Variants in CACNA1D observed in about 807,000 individuals in gnomAD.
CACNA1D encodes the protein calcium voltage-gated channel subunit alpha1 D, also known as voltage-dependent L-type calcium channel subunit alpha-1D.
CACNA1D carries 55 observed loss-of-function variants against 257.1 expected under a neutral mutation model. That is an observed-to-expected ratio of 0.21 (90% CI 0.17 to 0.27). The LOEUF is 0.27. CACNA1D is among the 10% of genes least tolerant of loss of function. CACNA1D has a pLI of 1.00. For missense variants in CACNA1D, 1,876 were observed against 2,784.0 expected (o/e 0.67, Z 7.34); for synonymous variants, 980 against 1,014.9 (o/e 0.97, Z 0.65).
At chr3:53,517,226 AT>A (rs2091374673) in intron 3 of CACNA1D, among the ~76,000 whole-genome samples, 2 of 150,280 alleles carry the variant, frequency 1.3e-5, no homozygotes, top group African/African-American at 4.9e-5. Context: ...CTGAATCCTA[AT>A]CCCTCACTGC....
At chr3:53,500,007 A>C (rs746525688) in intron 2 of CACNA1D, among the ~76,000 whole-genome samples, 11 of 152,108 alleles carry the variant, frequency 7.2e-5, no homozygotes, top group Non-Finnish European at 1.5e-4. Context: ...AAATAAACCC[A>C]TCAAAATTAG....
rs527673385 is a variant in CACNA1D at position 53,636,607 on chromosome 3, C to T, written c.484-14172C>T. ...ACAGGCATTAGCCACTGCGCCTGGC[C>T]GAAAACTATATACTCTTATATTCTG... On this transcript the variant is annotated intron_variant, in intron 3 of 47. Coordinates refer to ENST00000350061, the MANE Select transcript of CACNA1D (RefSeq NM_001128840.3). Among the ~76,000 whole-genome samples, 3 of 152,254 alleles carry T rather than the reference C, an allele frequency of 2.0e-5. No individual in the cohort carries two copies. The South Asian group carries it at 6.2e-4, about 32-fold the overall frequency.
rs2095161561 is a variant in CACNA1D, at chr3:53,745,675, A to G, written c.3058A>G (p.Ile1020Val). ...VAIRTIGNIMIVTTLLQFMFA... is the reference protein window; with the variant it reads ...VAIRTIGNIMVVTTLLQFMFA... ...CATCCGGACCATCGGCAACATCATG[A>G]TCGTCACCACCCTCCTGCAGTTCAT... Residue 1020 changes from isoleucine to valine, a missense_variant, in exon 24 of 48, where the codon ATC (isoleucine) becomes GTC (valine). Coordinates refer to ENST00000350061, the MANE Select transcript of CACNA1D (RefSeq NM_001128840.3). 1 of 1,614,110 alleles carries G rather than the reference A, an allele frequency of 6.2e-7. No homozygotes were observed. The highest frequency in any genetic ancestry group is 8.5e-7 in the Non-Finnish European group (1 of 1,179,998).
chr3:53,513,699 G>A (rs1311274617), intron 3 of CACNA1D, among the ~76,000 whole-genome samples: 1 of 152,160 alleles, frequency 6.6e-6, no homozygotes, highest in Non-Finnish European at 1.5e-5. Flanking sequence ...GGTAGTGTAG[G>A]CTTTCACATT....
intron 3 of CACNA1D, among the ~76,000 whole-genome samples, chr3:53,626,692 A>G (rs1454810303): frequency 6.6e-6 from 1 of 152,148 alleles, no homozygotes; most frequent in African/African-American, 2.4e-5. Context: ...ATGATGTTAG[A>G]TCAGTTCTTG....
chr3:53,645,054 A>G (rs930417918), intron 3 of CACNA1D, among the ~76,000 whole-genome samples: 1 of 152,072 alleles, frequency 6.6e-6, no homozygotes, highest in African/African-American at 2.4e-5. Context: ...GTTTTAATTT[A>G]TATTTCCTTG....
intron 3 of CACNA1D, among the ~76,000 whole-genome samples, chr3:53,601,958 G>A (rs953282978): frequency 1.3e-5 from 2 of 152,098 alleles, no homozygotes; most frequent in Admixed American, 6.6e-5. Flanking sequence ...TAATCGGCCC[G>A]CCTCAGCCTC....
At chr3:53,752,202 AG>A (rs890898406) in intron 28 of CACNA1D, among the ~76,000 whole-genome samples, 4 of 152,140 alleles carry the variant, frequency 2.6e-5, no homozygotes, top group Non-Finnish European at 4.4e-5. Context: ...GTGGCCAGCT[AG>A]TGGTTGAGAA....
chr3:53,547,871 A>G (rs899332075), intron 3 of CACNA1D, among the ~76,000 whole-genome samples: 3 of 152,184 alleles, frequency 2.0e-5, no homozygotes, highest in African/African-American at 7.2e-5. Flanking sequence ...CCCCTCTAAC[A>G]TCGTTTCCCC....
At chr3:53,805,972 A>ATCTTCCCTCCTCCTCCCTCCCTCT (rs2095562615) in intron 45 of CACNA1D, among the ~76,000 whole-genome samples, 1 of 33,550 alleles carries the variant, frequency 3.0e-5, no homozygotes, top group Non-Finnish European at 5.6e-5. Flanking sequence ...TCCCTCCCTC[A>ATCTTCCCTCCTCCTCCCTCCCTCT]TCTTCCCTCC....
chr3:53,550,547 A>G (rs1184741608), intron 3 of CACNA1D, among the ~76,000 whole-genome samples: 4 of 152,134 alleles, frequency 2.6e-5, no homozygotes, highest in East Asian at 1.9e-4. Context: ...TGTTTATTTC[A>G]TGGATCATTT....
chr3:53,779,339 G>A (rs1399487199), intron 37 of CACNA1D, among the ~76,000 whole-genome samples: 1 of 152,150 alleles, frequency 6.6e-6, no homozygotes, highest in Non-Finnish European at 1.5e-5. Context: ...TAAGTGGTAG[G>A]TTGTATTAAT....
At chr3:53,617,505 AG>A (rs1289006134) in intron 3 of CACNA1D, among the ~76,000 whole-genome samples, 1 of 152,208 alleles carries the variant, frequency 6.6e-6, no homozygotes, top group Non-Finnish European at 1.5e-5. Context: ...ATGACAATTA[AG>A]TGACGCATTG....
At chr3:53,600,339 G>A (rs1437969587) in intron 3 of CACNA1D, among the ~76,000 whole-genome samples, 1 of 152,162 alleles carries the variant, frequency 6.6e-6, no homozygotes, top group Non-Finnish European at 1.5e-5. Flanking sequence ...AGGCCCAGAG[G>A]CATTCATATA....
intron 25 of CACNA1D, among the ~76,000 whole-genome samples, chr3:53,746,327 A>C (rs942085973): frequency 6.6e-6 from 1 of 152,138 alleles, no homozygotes; most frequent in Non-Finnish European, 1.5e-5. Flanking sequence ...CTCTTCTTAT[A>C]CACTTTCTAG....
At chr3:53,690,146 ATCTG>A (rs1262463819) in intron 8 of CACNA1D, among the ~76,000 whole-genome samples, 7 of 152,154 alleles carry the variant, frequency 4.6e-5, no homozygotes, top group Non-Finnish European at 1.0e-4. Flanking sequence ...TTAAATCTAG[ATCTG>A]TCTGTCTCCA....
intron 10 of CACNA1D, among the ~76,000 whole-genome samples, chr3:53,719,371 C>G (rs1410984553): frequency 1.3e-5 from 2 of 152,136 alleles, no homozygotes; most frequent in African/African-American, 4.8e-5. Context: ...CCATACTCAC[C>G]CAGTGGGAGA....
chr3:53,632,673 T>G (rs561051807), intron 3 of CACNA1D, among the ~76,000 whole-genome samples: 1 of 152,370 alleles, frequency 6.6e-6, no homozygotes, highest in African/African-American at 2.4e-5. Flanking sequence ...ACTTGAATAC[T>G]GAGAGGCTGT....
Position 53,751,927 on chromosome 3 carries a change from TG to T in CACNA1D, c.3675+24del. 1 of 1,613,362 alleles carries T rather than the reference TG, an allele frequency of 6.2e-7. No homozygotes were observed. The highest frequency in any genetic ancestry group is 8.5e-7 in the Non-Finnish European group (1 of 1,179,368). On this transcript the variant is annotated intron_variant, in intron 28 of 47. Coordinates refer to ENST00000350061, the MANE Select transcript of CACNA1D (RefSeq NM_001128840.3). This position sits in a 1 kb window ranked among gnomAD's most constrained non-coding sequence, Gnocchi z 4.3. The stretch of plus-strand genomic sequence containing the variant: ...ATGCAGGTAAAAATGGAGACAGCCG[TG>T]GGGATCAGGTCCGGGCATTCCGCAC...
Sources: allele counts gnomAD v4.1 joint callset (sites outside exome capture counted in the v4.1 genomes callset), GRCh38; gene constraint gnomAD v4.1.1; non-coding constraint Gnocchi (gnomAD v3.1); transcripts MANE v1.5; gene names NCBI Gene and HGNC (gene_info 2026-07-23, HGNC 2026-07-21).